SLC9A8: variants seen among roughly 807,000 people sequenced by gnomAD.
The protein encoded by SLC9A8 is sodium/hydrogen exchanger 8.
Under a neutral mutation model 66.6 loss-of-function variants are expected in SLC9A8, and 48 were observed. That is an observed-to-expected ratio of 0.72 (90% CI 0.57 to 0.92). SLC9A8 has a LOEUF of 0.92. SLC9A8 is among the 40% of genes least tolerant of loss of function. The pLI is 0.00. For missense variants in SLC9A8, 599 were observed against 747.3 expected (o/e 0.80, Z 2.31); for synonymous variants, 274 against 282.6 (o/e 0.97, Z 0.31).
At chr20:49,817,454 G>GTTTTTT (rs76109874) in intron 2 of SLC9A8, among the ~76,000 whole-genome samples, 5 of 132,202 alleles carry the variant, frequency 3.8e-5, no homozygotes, top group Non-Finnish European at 3.3e-5. Context: ...AGGTGCAACT[G>GTTTTTT]TTTTTTTTTT....
intron 8 of SLC9A8, among the ~76,000 whole-genome samples, chr20:49,861,625 G>C (rs1369211538): frequency 1.3e-5 from 2 of 152,106 alleles, no homozygotes; most frequent in African/African-American, 4.8e-5. Context: ...TCTAGAAGGA[G>C]ATCAGTGAGA....
intron 3 of SLC9A8, chr20:49,831,053 A>C: frequency 7.1e-6 from 5 of 708,228 alleles, no homozygotes; most frequent in East Asian, 5.4e-5. Context: ...GTCCAACAAT[A>C]TGTCCGCTGT....
In SLC9A8 at chr20:49,844,949, G is replaced by C. The variant is rs966520484; in HGVS notation, c.349-87G>C. ...GTTTCCACTAGGCCAGGCCCTGAGA[G>C]AATAATTATTTTGGCTCTTTATTGA... On this transcript the variant is annotated intron_variant, in intron 4 of 15. Transcript: ENST00000361573. The C allele has an allele frequency of 4.5e-5, 41 of 902,608 alleles. No individual in the cohort carries two copies. In the Admixed American group the frequency reaches 7.0e-4, roughly 15 times the overall value. The allele number at this position is 902,608 out of a possible 1,614,324, so 55.9% of individuals were successfully genotyped here. A position where few individuals can be genotyped will look rare whatever the true frequency, so the allele number is the denominator to read the frequency against.
At chr20:49,878,801 T>C (rs921338460) in intron 12 of SLC9A8, among the ~76,000 whole-genome samples, 3 of 151,922 alleles carry the variant, frequency 2.0e-5, no homozygotes, top group Non-Finnish European at 4.4e-5. Context: ...TGGCGGATCA[T>C]GAGGTCAGGA....
intron 12 of SLC9A8, among the ~76,000 whole-genome samples, chr20:49,880,683 C>T (rs2146749737): frequency 6.6e-6 from 1 of 152,352 alleles, no homozygotes; most frequent in Middle Eastern, 3.4e-3. Flanking sequence ...TCTTTTCTGG[C>T]TACTAAGAAA....
At chr20:49,880,263 CAAAAA>C (rs3067561) in intron 12 of SLC9A8, among the ~76,000 whole-genome samples, 1 of 129,554 alleles carries the variant, frequency 7.7e-6, no homozygotes, top group Non-Finnish European at 1.6e-5. Context: ...GACTTTGTCT[CAAAAA>C]AAAAAAAAAA....
rs908605614 is a variant in SLC9A8 at position 49,815,088 on chromosome 20, C to T, written c.107C>T (p.Pro36Leu). 3.1e-6 allele frequency: 5 copies of T among 1,608,672 alleles called. No homozygotes were observed. Among genetic ancestry groups the T allele is most frequent in the Non-Finnish European group, 4.2e-6 (5 of 1,177,780 alleles). ...TLVVTTKLVLPTPGKPILPVQ... is the reference protein window; with the variant it reads ...TLVVTTKLVLLTPGKPILPVQ... ...GTTGTCACGACGAAACTGGTGCTCCCGACCCCTGGCAAGCCCATCCTCCCC... is the reference window on the plus strand; with the variant it reads ...GTTGTCACGACGAAACTGGTGCTCCTGACCCCTGGCAAGCCCATCCTCCCC... The change falls in exon 2 of 16, where the codon CCG becomes CTG. Residue 36 changes from proline to leucine, a missense_variant. Transcript: ENST00000361573.
At chr20:49,849,745 G>A in intron 6 of SLC9A8, 65 bp downstream of exon 6, 1 of 1,344,802 alleles carries the variant, frequency 7.4e-7, no homozygotes, top group Non-Finnish European at 1.1e-6. Context: ...CAGGGAGGTG[G>A]GAAGGTGAAA....
chr20:49,884,022 C>G lies in SLC9A8; in HGVS notation c.1447C>G (p.Arg483Gly). 6.2e-7 allele frequency: 1 copy of G among 1,613,612 alleles called. No individual in the cohort carries two copies. Among genetic ancestry groups the G allele is most frequent in the South Asian group, 1.1e-5 (1 of 91,070 alleles). The change falls in exon 14 of 16, where the codon CGC becomes GGC. Residue 483 changes from arginine to glycine, a missense_variant. Coordinates refer to ENST00000361573, the MANE Select transcript of SLC9A8 (RefSeq NM_015266.3). ...LMDIEDAKAH[R>G]RNKKDVNLSK... The stretch of plus-strand genomic sequence containing the variant: ...GGACATCGAGGACGCCAAGGCACAC[C>G]GCAGGAACAAGAAGGACGTCAACCT...
intron 4 of SLC9A8, among the ~76,000 whole-genome samples, chr20:49,842,408 C>T (rs901659915): frequency 2.0e-5 from 3 of 152,164 alleles, no homozygotes; most frequent in African/African-American, 7.2e-5. Flanking sequence ...TATTTCAATT[C>T]AGAAACTAAT....
intron 15 of SLC9A8, among the ~76,000 whole-genome samples, chr20:49,887,120 T>C (rs1456227305): frequency 6.6e-6 from 1 of 152,208 alleles, no homozygotes; most frequent in African/African-American, 2.4e-5. Flanking sequence ...AATAATAGAT[T>C]TGTTAACACA....
chr20:49,877,949 G>T, intron 11 of SLC9A8, 32 bp from the exon 12 acceptor site: 1 of 1,453,120 alleles, frequency 6.9e-7, no homozygotes, highest in Non-Finnish European at 9.5e-7. Flanking sequence ...AAATCATTGG[G>T]GTTGAATAAT....
chr20:49,844,670 C>T (rs969162866), intron 4 of SLC9A8, among the ~76,000 whole-genome samples: 11 of 149,034 alleles, frequency 7.4e-5, no homozygotes, highest in East Asian at 2.0e-4. Context: ...CATGGTAGCA[C>T]GCACATGTAG....
chr20:49,881,936 CG>C (rs2089640026), intron 13 of SLC9A8, among the ~76,000 whole-genome samples: 3 of 151,930 alleles, frequency 2.0e-5, no homozygotes, highest in Admixed American at 2.0e-4. Context: ...GATAAGAGAG[CG>C]TTATGGGGAA....
In SLC9A8 at chr20:49,886,802, C is replaced by T. The variant is rs752906608; in HGVS notation, c.1542C>T (p.Tyr514=). 6.8e-6 allele frequency: 11 copies of T among 1,614,006 alleles called. No homozygotes were observed. In the East Asian group the frequency reaches 8.9e-5, roughly 13 times the overall value. ...EHLSELTEEE[Y]EAHYIRRQDL... is the part of the protein sequence containing the mutation. ...TGTCGGAGCTCACGGAGGAGGAGTA[C>T]GAGGCCCACTACATCAGGCGGCAGG... Residue 514 remains tyrosine, a synonymous_variant, in exon 15 of 16, where the codon TAC becomes TAT. Transcript: ENST00000361573. The surrounding 1 kb of genome is among the most constrained non-coding windows in gnomAD (Gnocchi z 4.8).
chr20:49,822,924 G>A lies in SLC9A8; in HGVS notation c.209-137G>A, dbSNP rs919649891. 15 of 676,660 alleles carry A rather than the reference G, an allele frequency of 2.2e-5. 1 individual carries two copies. The East Asian group carries it at 2.5e-4, about 11-fold the overall frequency. 41.9% of individuals were successfully genotyped at this position (676,660 alleles called of 1,614,324 possible). On this transcript the variant is annotated intron_variant, in intron 2 of 15. Transcript: ENST00000361573. ...TAAGAAATGAGACACGAAAAACACC[G>A]CTGAAGTTCACTGTGTTATTCCAAT...
chr20:49,826,277 T>C (rs1224641064), intron 3 of SLC9A8, among the ~76,000 whole-genome samples: 3 of 152,202 alleles, frequency 2.0e-5, no homozygotes, highest in African/African-American at 7.2e-5. Context: ...GCTAAAGAAA[T>C]GGAAGGAAAA....
chr20:49,839,159 T>C (rs111801101), intron 3 of SLC9A8, among the ~76,000 whole-genome samples: 6 of 152,362 alleles, frequency 3.9e-5, no homozygotes, highest in African/African-American at 1.4e-4. Flanking sequence ...CATGGATTCT[T>C]TTTTGAAAAT....
intron 14 of SLC9A8, among the ~76,000 whole-genome samples, chr20:49,885,052 C>T (rs1568885448): frequency 6.6e-6 from 1 of 152,248 alleles, no homozygotes; most frequent in African/African-American, 2.4e-5. Flanking sequence ...AGACCATGGC[C>T]TCCAATCTCC....
Sources: allele counts gnomAD v4.1 joint callset (sites outside exome capture counted in the v4.1 genomes callset), GRCh38; gene constraint gnomAD v4.1.1; non-coding constraint Gnocchi (gnomAD v3.1); transcripts MANE v1.5; gene names NCBI Gene and HGNC (gene_info 2026-07-23, HGNC 2026-07-21).